Variants in TAMM41 observed in about 807,000 individuals in gnomAD.
TAMM41 encodes TAM41 mitochondrial translocator assembly and maintenance homolog, also known as phosphatidate cytidylyltransferase, mitochondrial.
A neutral mutation model predicts 44.1 loss-of-function variants in TAMM41; 36 were observed. That is an observed-to-expected ratio of 0.82 (90% CI 0.63 to 1.08). TAMM41 has a LOEUF of 1.08. TAMM41 is among the 50% of genes least tolerant of loss of function. The pLI, the probability that TAMM41 is intolerant of heterozygous loss-of-function variation, is 0.00. For synonymous variants in TAMM41, 164 were observed against 153.1 expected (o/e 1.07, Z -0.53); for missense variants, 417 against 404.3 (o/e 1.03, Z -0.27).
chr3:11,772,379 C>T, the TAMM41 span, among the ~76,000 whole-genome samples: 1 of 151,996 alleles, frequency 6.6e-6, no homozygotes, highest in African/African-American at 2.4e-5. Context: ...CCGTGCCCAG[C>T]CCAGTGTCTG....
At chr3:11,765,499 A>T in the TAMM41 span, among the ~76,000 whole-genome samples, 1 of 152,238 alleles carries the variant, frequency 6.6e-6, no homozygotes, top group Non-Finnish European at 1.5e-5. Flanking sequence ...CTACAAGCGT[A>T]AAGACAGGAT....
chr3:11,752,090 G>A, the TAMM41 span, among the ~76,000 whole-genome samples: 4 of 152,116 alleles, frequency 2.6e-5, no homozygotes, highest in African/African-American at 9.7e-5. Flanking sequence ...GGTTCCTTCC[G>A]GTGGGTTTGT....
chr3:11,821,963 T>C (rs2078539294), intron 4 of TAMM41, among the ~76,000 whole-genome samples: 1 of 152,260 alleles, frequency 6.6e-6, no homozygotes, highest in African/African-American at 2.4e-5. Context: ...CACATATTAT[T>C]AAAAATATCA....
intron 7 of TAMM41, among the ~76,000 whole-genome samples, chr3:11,798,102 A>G (rs2077654398): frequency 6.6e-6 from 1 of 152,144 alleles, no homozygotes; most frequent in Admixed American, 6.6e-5. Flanking sequence ...TTCCTCAAAA[A>G]CCTAAAAAGA....
chr3:11,757,034 CT>C, the TAMM41 span, among the ~76,000 whole-genome samples: 4 of 152,068 alleles, frequency 2.6e-5, no homozygotes, highest in Admixed American at 2.0e-4. Context: ...TAGCTGAGTA[CT>C]TGTGTTAATT....
In TAMM41 at chr3:11,846,885, T is replaced by G; in HGVS notation, c.-249A>C. ...GGCGGTCGCACAGGCAGAGCTTCCG[T>G]CCCTTGCTACGCCCCACGCACGCAC... is the stretch of plus-strand genomic sequence containing the variant. On this transcript the variant is annotated 5_prime_UTR_variant, in exon 1 of 8. Coordinates refer to ENST00000455809, the MANE Select transcript of TAMM41 (RefSeq NM_001284401.2). 1 of 508,422 alleles carries G rather than the reference T, an allele frequency of 2.0e-6. No individual in the cohort carries two copies. 31.5% of individuals were successfully genotyped at this position (508,422 alleles called of 1,614,324 possible). A position where few individuals can be genotyped will look rare whatever the true frequency, so the allele number is the denominator to read the frequency against.
At chr3:11,761,990 A>T in the TAMM41 span, among the ~76,000 whole-genome samples, 1 of 151,660 alleles carries the variant, frequency 6.6e-6, no homozygotes, top group South Asian at 2.1e-4. Context: ...GAAAAAAAGA[A>T]AAAAGAGACC....
chr3:11,745,330 C>CA, the TAMM41 span, among the ~76,000 whole-genome samples: 1 of 151,988 alleles, frequency 6.6e-6, no homozygotes, highest in South Asian at 2.1e-4. Flanking sequence ...GACCTTGTCT[C>CA]AAAAAATAAA....
At chr3:11,765,689 CT>C in the TAMM41 span, among the ~76,000 whole-genome samples, 2 of 146,804 alleles carry the variant, frequency 1.4e-5, no homozygotes, top group East Asian at 4.0e-4. Flanking sequence ...ATCTTTTCAC[CT>C]TCTGGAGTCA....
chr3:11,748,910 G>GTTTTTTTT, the TAMM41 span, among the ~76,000 whole-genome samples: 1 of 77,380 alleles, frequency 1.3e-5, no homozygotes, highest in African/African-American at 5.6e-5. Flanking sequence ...CTGGGAAGTA[G>GTTTTTTTT]ATTTTTTTTT....
intron 5 of TAMM41, among the ~76,000 whole-genome samples, chr3:11,814,314 A>G (rs1465178080): frequency 6.6e-6 from 1 of 152,172 alleles, no homozygotes; most frequent in Non-Finnish European, 1.5e-5. Flanking sequence ...GTGTGAGAGA[A>G]CAAGACAAAA....
chr3:11,740,157 C>T, the TAMM41 span, among the ~76,000 whole-genome samples: 786 of 152,128 alleles, frequency 5.2e-3, 5 homozygotes, highest in Middle Eastern at 0.055. Context: ...TTAACTTAGA[C>T]CAGAATAATA....
chr3:11,780,304 C>T, the TAMM41 span, among the ~76,000 whole-genome samples: 1 of 152,300 alleles, frequency 6.6e-6, no homozygotes, highest in East Asian at 1.9e-4. Context: ...CTTTAGTTCC[C>T]TCAACACACT....
At chr3:11,787,338 C>T (rs764423649), downstream of TAMM41, among the ~76,000 whole-genome samples, 38 of 152,132 alleles carry the variant, frequency 2.5e-4, no homozygotes, top group Admixed American at 1.1e-3. Context: ...ATTTTGAAAC[C>T]GCTACAGGGA....
chr3:11,832,115 G>C (rs1004060878), intron 3 of TAMM41, among the ~76,000 whole-genome samples: 1 of 152,028 alleles, frequency 6.6e-6, no homozygotes, highest in Non-Finnish European at 1.5e-5. Context: ...GTTATATTCT[G>C]GTTAACTTAT....
the TAMM41 span, among the ~76,000 whole-genome samples, chr3:11,736,782 A>G: frequency 0.7 from 105,811 of 151,944 alleles, 37,184 homozygotes; most frequent in East Asian, 0.83. Flanking sequence ...TATTGGTGTG[A>G]GTTTGGCTCC....
the TAMM41 span, among the ~76,000 whole-genome samples, chr3:11,766,865 G>C: frequency 1.3e-5 from 2 of 152,024 alleles, no homozygotes; most frequent in Admixed American, 1.3e-4. Flanking sequence ...CACTGCATCC[G>C]ACCTAGAGTA....
the TAMM41 span, among the ~76,000 whole-genome samples, chr3:11,767,625 C>CTTTTTTTTTTTTTTTTTTTT: frequency 7.2e-5 from 2 of 27,906 alleles, no homozygotes; most frequent in African/African-American, 2.7e-4. Flanking sequence ...ACACGTTGTG[C>CTTTTTTTTTTTTTTTTTTTT]ATTTTTTTTT....
At chr3:11,803,792 A>G (rs555537475) in intron 7 of TAMM41, among the ~76,000 whole-genome samples, 2 of 152,340 alleles carry the variant, frequency 1.3e-5, no homozygotes, top group Non-Finnish European at 2.9e-5. Context: ...AGCAAGATGG[A>G]TAGAACTGGA....
Sources: allele counts gnomAD v4.1 joint callset (sites outside exome capture counted in the v4.1 genomes callset), GRCh38; gene constraint gnomAD v4.1.1; transcripts MANE v1.5; gene names NCBI Gene and HGNC (gene_info 2026-07-23, HGNC 2026-07-21).